Variants in RUFY1 observed in about 807,000 individuals in gnomAD.
The protein encoded by RUFY1 is RUN and FYVE domain containing 1.
In RUFY1, 54 loss-of-function variants were observed where a neutral mutation model predicts 94.6. The ratio of observed to expected loss-of-function variants is 0.57; its 90% CI spans 0.46 to 0.72. The LOEUF (loss-of-function observed/expected upper bound fraction) is 0.72, where lower values mean the gene tolerates loss of function less well. Ranked by LOEUF, RUFY1 falls within the 30% of genes least tolerant of loss-of-function variation. The pLI is 0.00. For synonymous variants in RUFY1, 396 were observed against 347.3 expected, an observed-to-expected ratio of 1.14 and a Z score of -1.56; for missense variants, 883 against 883.9, an observed-to-expected ratio of 1.00 and a Z score of 0.01.
At chr5:179,551,609 C>T (rs1301685943) in intron 1 of RUFY1, among the ~76,000 whole-genome samples, 3 of 151,200 alleles carry the variant, frequency 2.0e-5, no homozygotes, top group Non-Finnish European at 4.4e-5. Context: ...CTCCCTCCCG[C>T]CTCAGCCTCC....
intron 1 of RUFY1, among the ~76,000 whole-genome samples, chr5:179,551,974 G>A (rs1761879350): frequency 6.7e-6 from 1 of 149,982 alleles, no homozygotes; most frequent in South Asian, 2.2e-4. Flanking sequence ...GACCATCCTG[G>A]CCAACATGGT....
At chr5:179,564,410 G>A (rs1001436528) in intron 3 of RUFY1, among the ~76,000 whole-genome samples, 6 of 147,504 alleles carry the variant, frequency 4.1e-5, no homozygotes, top group African/African-American at 1.5e-4. Flanking sequence ...GTGAACCACT[G>A]TGCCTGGCTG....
chr5:179,568,932 ATTTCCTG>A, intron 4 of RUFY1: 1 of 623,992 alleles, frequency 1.6e-6, no homozygotes, highest in East Asian at 1.4e-4. Context: ...GTGGGATCCC[ATTTCCTG>A]TTTATATCAG....
chr5:179,597,619 G>A (rs1451247870), intron 13 of RUFY1, among the ~76,000 whole-genome samples: 7 of 152,076 alleles, frequency 4.6e-5, no homozygotes, highest in Admixed American at 6.5e-5. Context: ...TGATCCACCC[G>A]TCTCGGCCTC....
Position 179,609,717 on chromosome 5 carries a change from G to A in RUFY1, c.*198G>A, listed in dbSNP as rs1416250191. ...TGACTTGTTCGGAATTAACTCCTCT[G>A]GATGGAAACTTCCATCTTACTTGGT... On this transcript the variant is annotated 3_prime_UTR_variant, in exon 18 of 18. Coordinates refer to ENST00000319449, the MANE Select transcript of RUFY1 (RefSeq NM_025158.5). 2 of 508,774 alleles carry A rather than the reference G, an allele frequency of 3.9e-6. No homozygotes were observed. The highest frequency in any genetic ancestry group is 6.9e-6 in the Non-Finnish European group (2 of 291,228). 31.5% of individuals were successfully genotyped at this position (508,774 alleles called of 1,614,324 possible). A position where few individuals can be genotyped will look rare whatever the true frequency, so the allele number is the denominator to read the frequency against.
intron 1 of RUFY1, 30 bp from the exon 2 acceptor site, chr5:179,559,995 A>G (rs774519775): frequency 1.9e-6 from 3 of 1,603,866 alleles, no homozygotes; most frequent in Admixed American, 1.7e-5. Flanking sequence ...TCAGTCCACT[A>G]ACGAAGCTAT....
At chr5:179,552,774 G>A (rs73809471) in intron 1 of RUFY1, among the ~76,000 whole-genome samples, 3,254 of 152,306 alleles carry the variant, frequency 0.021, 134 homozygotes, top group African/African-American at 0.073. Flanking sequence ...AAAATGAAAT[G>A]TGTCAGTACC....
intron 15 of RUFY1, among the ~76,000 whole-genome samples, chr5:179,605,278 CAAAA>C (rs35410796): frequency 9.9e-5 from 13 of 130,660 alleles, no homozygotes; most frequent in East Asian, 2.5e-4. Flanking sequence ...GATCCTGTCT[CAAAA>C]AAAAAAAAAA....
chr5:179,584,105 C>A (rs1361035500), intron 7 of RUFY1, among the ~76,000 whole-genome samples: 1 of 152,176 alleles, frequency 6.6e-6, no homozygotes, highest in African/African-American at 2.4e-5. Context: ...CAAGTTGGCA[C>A]AGAATTGACA....
intron 3 of RUFY1, among the ~76,000 whole-genome samples, chr5:179,564,224 A>C (rs1184919752): frequency 1.4e-5 from 2 of 147,600 alleles, no homozygotes; most frequent in Non-Finnish European, 3.0e-5. Context: ...GGTTCCAGCG[A>C]TTCTCCTGCC....
chr5:179,596,795 C>A, intron 13 of RUFY1, 114 bp downstream of exon 13: 2 of 895,122 alleles, frequency 2.2e-6, no homozygotes, highest in East Asian at 3.2e-5. Flanking sequence ...GGCGGGGGGG[C>A]AGGTGGTATC....
At chr5:179,584,646 G>A (rs1449844860) in intron 7 of RUFY1, among the ~76,000 whole-genome samples, 1 of 151,934 alleles carries the variant, frequency 6.6e-6, no homozygotes, top group East Asian at 1.9e-4. Flanking sequence ...AGCTGGGCCT[G>A]GTGGCAAGGT....
intron 16 of RUFY1, chr5:179,606,222 AC>A: frequency 2.1e-6 from 1 of 465,240 alleles, no homozygotes; most frequent in East Asian, 4.2e-5. Context: ...GAGAGGAGGG[AC>A]CCGCGGATAT....
chr5:179,603,445 C>T (rs1334618358), intron 15 of RUFY1, among the ~76,000 whole-genome samples: 1 of 150,038 alleles, frequency 6.7e-6, no homozygotes, highest in East Asian at 2.0e-4. Context: ...GCCACCCACT[C>T]AGCTGAGTGC....
chr5:179,557,825 A>G (rs990740316), intron 1 of RUFY1, among the ~76,000 whole-genome samples: 8 of 152,154 alleles, frequency 5.3e-5, no homozygotes, highest in Non-Finnish European at 8.8e-5. Context: ...ACTGAATACC[A>G]TAAAGCAGTA....
At chr5:179,597,897 A>G (rs1285877546) in intron 13 of RUFY1, among the ~76,000 whole-genome samples, 2 of 152,038 alleles carry the variant, frequency 1.3e-5, no homozygotes, top group African/African-American at 4.8e-5. Context: ...AGGTTGTAGA[A>G]AGCAGAATGA....
chr5:179,580,265 C>T (rs1290910388), intron 6 of RUFY1, among the ~76,000 whole-genome samples: 4 of 57,040 alleles, frequency 7.0e-5, no homozygotes, highest in East Asian at 1.8e-3. Flanking sequence ...TTTTTTGAGA[C>T]GGAGTCTCGC....
chr5:179,587,857 C>A (rs891542440), intron 8 of RUFY1, among the ~76,000 whole-genome samples: 1 of 151,880 alleles, frequency 6.6e-6, no homozygotes, highest in African/African-American at 2.4e-5. Context: ...CATGGCAACA[C>A]CCTGTCTCTA....
chr5:179,598,906 ACCCTTTGTGTGGGGGC>A, intron 14 of RUFY1, 85 bp downstream of exon 14: 1 of 1,517,266 alleles, frequency 6.6e-7, no homozygotes, highest in South Asian at 1.2e-5. Flanking sequence ...CTCTCCCCGC[ACCCTTTGTGTGGGGGC>A]CAGGCGGCTC....
Sources: gnomAD v4.1 joint callset for allele counts (sites outside exome capture counted in the v4.1 genomes callset) on GRCh38, gnomAD v4.1.1 for gene constraint, MANE v1.5 for transcripts, NCBI Gene and HGNC (gene_info 2026-07-23, HGNC 2026-07-21) for gene names.